SEPTIN7: variants seen among roughly 807,000 people sequenced by gnomAD.
SEPTIN7 encodes septin-7.
In SEPTIN7, 10 loss-of-function variants were observed where a neutral mutation model predicts 63.3. The ratio of observed to expected loss-of-function variants is 0.16; its 90% confidence interval spans 0.10 to 0.27. The LOEUF (loss-of-function observed/expected upper bound fraction) is 0.27. Ranked by LOEUF, SEPTIN7 falls within the 10% of genes least tolerant of loss-of-function variation. The pLI is 1.00. For synonymous variants in SEPTIN7, 131 were observed against 165.3 expected (o/e 0.79, Z 1.59); for missense variants, 310 against 521.0 (o/e 0.59, Z 3.94).
At chr7:35,897,808 T>G (rs1423569426) in intron 11 of SEPTIN7, among the ~76,000 whole-genome samples, 2 of 152,176 alleles carry the variant, frequency 1.3e-5, no homozygotes, top group Admixed American at 6.5e-5. Context: ...AATTTTTGTG[T>G]TGTTAGTAGC....
intron 1 of SEPTIN7, among the ~76,000 whole-genome samples, chr7:35,821,120 G>A (rs1789383578): frequency 6.6e-6 from 1 of 152,112 alleles, no homozygotes; most frequent in African/African-American, 2.4e-5. Flanking sequence ...GTGTGCTGAT[G>A]GTTTTCAAGG....
chr7:35,840,097 T>C (rs1784332072), intron 3 of SEPTIN7, among the ~76,000 whole-genome samples: 2 of 151,604 alleles, frequency 1.3e-5, no homozygotes, highest in African/African-American at 2.4e-5. Context: ...TTTCTTTCCC[T>C]TTTCCTTTTT....
Position 35,828,773 on chromosome 7 carries a change from A to G in SEPTIN7, c.62-2719A>G, listed in dbSNP as rs185167678. On this transcript the variant is annotated intron_variant, in intron 1 of 13. Transcript: ENST00000350320. ...TCCTAAATCTATATTTTCAGCACCA[A>G]CCAACCATGAAATTTCTCACTCTGT... is the stretch of plus-strand genomic sequence containing the variant. Among the ~76,000 whole-genome samples the G allele has an allele frequency of 2.7e-4, 41 of 151,344 alleles. 1 individual carries two copies. The East Asian group carries it at 6.8e-3, about 25-fold the overall frequency.
intron 1 of SEPTIN7, among the ~76,000 whole-genome samples, chr7:35,815,685 T>C (rs1789014111): frequency 6.6e-6 from 1 of 152,256 alleles, no homozygotes; most frequent in Non-Finnish European, 1.5e-5. Flanking sequence ...TAATACCTTA[T>C]GCTAATCAAA....
intron 4 of SEPTIN7, among the ~76,000 whole-genome samples, chr7:35,866,954 A>C (rs1382436309): frequency 6.6e-6 from 1 of 152,198 alleles, no homozygotes; most frequent in Non-Finnish European, 1.5e-5. Context: ...GCAGGGCCCA[A>C]CTAATTTGTA....
In SEPTIN7 at chr7:35,891,156, C is replaced by T. The variant is rs559749500; in HGVS notation, c.998+363C>T. On this transcript the variant is annotated intron_variant, in intron 11 of 13. Transcript: ENST00000350320. ...GTGTAAGTGACTACCAAGTGTGTAGCTTTGCCCTGTTGAGCTTATATCTCA... is the reference window on the plus strand; with the variant it reads ...GTGTAAGTGACTACCAAGTGTGTAGTTTTGCCCTGTTGAGCTTATATCTCA... Among the ~76,000 whole-genome samples the T allele has an allele frequency of 2.6e-5, 4 of 152,214 alleles. No homozygotes were observed. The East Asian group carries it at 7.7e-4, about 29-fold the overall frequency.
chr7:35,811,238 A>G (rs556480428), intron 1 of SEPTIN7, among the ~76,000 whole-genome samples: 49 of 152,092 alleles, frequency 3.2e-4, no homozygotes, highest in Non-Finnish European at 6.0e-4. Flanking sequence ...GGAGAGTACC[A>G]CCTTATTTAT....
chr7:35,815,110 T>C (rs933566914), intron 1 of SEPTIN7: 3 of 417,500 alleles, frequency 7.2e-6, no homozygotes, highest in East Asian at 8.2e-5. Context: ...AGGTGGCTCT[T>C]GTTCATCCTT....
At chr7:35,871,708 T>G (rs980327710) in intron 4 of SEPTIN7, among the ~76,000 whole-genome samples, 1 of 152,256 alleles carries the variant, frequency 6.6e-6, no homozygotes, top group African/African-American at 2.4e-5. Context: ...CTTTTTGTCT[T>G]GTAAATTAGC....
chr7:35,885,687 T>C (rs1486336104), intron 9 of SEPTIN7, 141 bp from the exon 10 acceptor site: 1 of 684,642 alleles, frequency 1.5e-6, no homozygotes, highest in Non-Finnish European at 2.6e-6. Flanking sequence ...GAGTGTACTA[T>C]GTTAGTGTTA....
chr7:35,807,237 T>A (rs190255428), intron 1 of SEPTIN7, among the ~76,000 whole-genome samples: 1 of 151,056 alleles, frequency 6.6e-6, no homozygotes, highest in Non-Finnish European at 1.5e-5. Flanking sequence ...CAGGCTGGAG[T>A]GCAATGGCAC....
Position 35,801,137 on chromosome 7 carries a change from G to A in SEPTIN7, c.-73G>A, listed in dbSNP as rs533329688. ...AGCTACGCCGGGCGGCTACGCTGCGGAATCGGCGTAGGCGCCTTTGGAGAA... is the reference window on the plus strand; with the variant it reads ...AGCTACGCCGGGCGGCTACGCTGCGAAATCGGCGTAGGCGCCTTTGGAGAA... On this transcript the variant is annotated 5_prime_UTR_variant, in exon 1 of 14. Transcript: ENST00000350320. The A allele has an allele frequency of 5.4e-6, 7 of 1,294,160 alleles. No homozygotes were observed. The South Asian group carries it at 1.1e-4, about 19-fold the overall frequency. The allele number at this position is 1,294,160 out of a possible 1,614,324, so 80.2% of individuals were successfully genotyped here.
chr7:35,867,119 G>A (rs561769682), intron 4 of SEPTIN7, among the ~76,000 whole-genome samples: 39 of 152,154 alleles, frequency 2.6e-4, no homozygotes, highest in African/African-American at 9.4e-4. Context: ...GTTTCAAGTG[G>A]AATGAAATGG....
At chr7:35,908,802 CT>C (rs1280886898), downstream of SEPTIN7, among the ~76,000 whole-genome samples, 1 of 152,226 alleles carries the variant, frequency 6.6e-6, no homozygotes, top group Non-Finnish European at 1.5e-5. Context: ...ACAGATTCCC[CT>C]GGGTGAGGGG....
chr7:35,900,311 C>G (rs1043561249), intron 12 of SEPTIN7: 1 of 152,178 alleles, frequency 6.6e-6, no homozygotes, highest in African/African-American at 2.4e-5. Flanking sequence ...CTCCTGGTTT[C>G]AGACGCTGAG....
chr7:35,913,807 C>T, the SEPTIN7 span, among the ~76,000 whole-genome samples: 4 of 152,194 alleles, frequency 2.6e-5, no homozygotes, highest in Non-Finnish European at 5.9e-5. Flanking sequence ...CTAGTCCAGT[C>T]TCAAACTCCT....
downstream of SEPTIN7, among the ~76,000 whole-genome samples, chr7:35,911,732 A>G: frequency 6.6e-6 from 1 of 152,240 alleles, no homozygotes; most frequent in Non-Finnish European, 1.5e-5. Context: ...GGAGCTAAAC[A>G]TTAAGGATTT....
chr7:35,874,159 A>G (rs1786329154), intron 6 of SEPTIN7: 1 of 158,432 alleles, frequency 6.3e-6, no homozygotes, highest in African/African-American at 2.4e-5. Context: ...GCTATTTATT[A>G]TAAGTTTCAT....
chr7:35,904,150 G>A, intron 13 of SEPTIN7, 104 bp from the exon 14 acceptor site: 3 of 765,132 alleles, frequency 3.9e-6, no homozygotes, highest in South Asian at 3.5e-5. Context: ...AGTAGTATCT[G>A]AAAATCCCAA....
Sources: gnomAD v4.1 joint callset for allele counts (sites outside exome capture counted in the v4.1 genomes callset) on GRCh38, gnomAD v4.1.1 for gene constraint, MANE v1.5 for transcripts, NCBI Gene and HGNC (gene_info 2026-07-23, HGNC 2026-07-21) for gene names.